CCR5AS: variants seen among roughly 807,000 people sequenced by gnomAD.
CCR5AS encodes the protein CCR5 antisense RNA.
chr3:46,364,823 A>G (rs1701584739), exon 4 of CCR5AS: 1 of 152,250 alleles, frequency 6.6e-6, no homozygotes, highest in East Asian at 1.9e-4. Context: ...AAAGACATTG[A>G]TTCCAACCCC....
intron 2 of CCR5AS, chr3:46,372,654 G>GA (rs1701678960): frequency 2.8e-6 from 1 of 362,030 alleles, no homozygotes; most frequent in African/African-American, 2.1e-5. Flanking sequence ...TGGTGAGATG[G>GA]TGCTTTCATG....
intron 2 of CCR5AS, among the ~76,000 whole-genome samples, chr3:46,379,384 A>G (rs184344303): frequency 6.6e-6 from 1 of 152,178 alleles, no homozygotes; most frequent in African/African-American, 2.4e-5. Context: ...CAAATGTCCA[A>G]CAATGATAGA....
intron 1 of CCR5AS, among the ~76,000 whole-genome samples, chr3:46,405,140 A>G (rs930445730): frequency 3.3e-5 from 5 of 152,114 alleles, no homozygotes; most frequent in Admixed American, 1.3e-4. Context: ...CTTCCTTCCT[A>G]TGTAGAAGTT....
intron 1 of CCR5AS, among the ~76,000 whole-genome samples, chr3:46,404,495 T>A (rs1702030349): frequency 6.6e-6 from 1 of 151,800 alleles, no homozygotes; most frequent in South Asian, 2.1e-4. Context: ...TCGCCACCCC[T>A]CCTGGCTAAT....
intron 1 of CCR5AS, among the ~76,000 whole-genome samples, chr3:46,402,319 T>C (rs757543340): frequency 2.6e-5 from 4 of 152,180 alleles, no homozygotes; most frequent in East Asian, 1.9e-4. Flanking sequence ...CAGCCAATTA[T>C]GGGAAAGAAA....
intron 3 of CCR5AS, among the ~76,000 whole-genome samples, chr3:46,366,376 G>A (rs1397258608): frequency 6.6e-6 from 1 of 152,202 alleles, no homozygotes; most frequent in Non-Finnish European, 1.5e-5. Context: ...ATCACAGTGA[G>A]TCTATTGTAT....
At position 46,365,712 on chromosome 3, in the gene CCR5AS, T is replaced by C. The variant is rs575406769; in HGVS notation, n.566-667A>G. Among the ~76,000 whole-genome samples the C allele has an allele frequency of 2.9e-4, 44 of 152,264 alleles. 2 individuals are homozygous for C. The highest frequency in any genetic ancestry group is 1.4e-3 in the Admixed American group (22 of 15,300). ...GGTGGGGGCTCCAAATGGATCTAGA[T>C]ATGTGAGATCTCTCTTTGATTTGAC... On this transcript the variant is annotated intron_variant and non_coding_transcript_variant, in intron 3 of 3. Coordinates refer to ENST00000451485, the Ensembl canonical transcript of CCR5AS.
intron 3 of CCR5AS, among the ~76,000 whole-genome samples, chr3:46,366,318 T>C (rs1004744540): frequency 9.2e-5 from 14 of 152,356 alleles, no homozygotes; most frequent in East Asian, 5.8e-4. Flanking sequence ...TCTCGTGTTA[T>C]GTGCAGAGCT....
At chr3:46,388,312 G>A (rs1428212287) in intron 2 of CCR5AS, among the ~76,000 whole-genome samples, 1 of 152,132 alleles carries the variant, frequency 6.6e-6, no homozygotes, top group Non-Finnish European at 1.5e-5. Context: ...AGATTTTGTG[G>A]TAAGGGGTGA....
intron 2 of CCR5AS, among the ~76,000 whole-genome samples, chr3:46,372,126 T>C (rs1474776657): frequency 6.6e-6 from 1 of 152,220 alleles, no homozygotes; most frequent in African/African-American, 2.4e-5. Flanking sequence ...GGTATGATGC[T>C]TAGAACAGTG....
At chr3:46,399,651 G>T (rs1701990030) in intron 1 of CCR5AS, among the ~76,000 whole-genome samples, 1 of 152,200 alleles carries the variant, frequency 6.6e-6, no homozygotes, top group African/African-American at 2.4e-5. Context: ...AGTGCAGGGG[G>T]AGAGATTAGC....
intron 2 of CCR5AS, among the ~76,000 whole-genome samples, chr3:46,379,778 T>G (rs1295393952): frequency 6.6e-6 from 1 of 152,014 alleles, no homozygotes; most frequent in Non-Finnish European, 1.5e-5. Context: ...GTGCTTGTAA[T>G]CCCAGCTACT....
intron 1 of CCR5AS, among the ~76,000 whole-genome samples, chr3:46,402,462 C>T (rs1016948747): frequency 6.6e-6 from 1 of 152,204 alleles, no homozygotes; most frequent in African/African-American, 2.4e-5. Flanking sequence ...AGTTTTTCTA[C>T]ATTTCCCATT....
intron 2 of CCR5AS, among the ~76,000 whole-genome samples, chr3:46,385,683 A>G (rs1701854150): frequency 6.6e-6 from 1 of 151,018 alleles, no homozygotes; most frequent in Non-Finnish European, 1.5e-5. Context: ...ACTGGGCGCA[A>G]CTCTCTCTCT....
intron 2 of CCR5AS, among the ~76,000 whole-genome samples, chr3:46,390,203 C>T (rs1281212741): frequency 6.6e-6 from 1 of 151,746 alleles, no homozygotes; most frequent in African/African-American, 2.4e-5. Flanking sequence ...CCAAGTAAGG[C>T]AAAAAGAGGC....
chr3:46,392,561 T>C (rs1236123179), intron 2 of CCR5AS, among the ~76,000 whole-genome samples: 2 of 152,064 alleles, frequency 1.3e-5, no homozygotes, highest in African/African-American at 4.8e-5. Context: ...GGAATGTGGG[T>C]GAATGACCAA....
At chr3:46,367,039 T>C (rs1021363157) in intron 3 of CCR5AS, among the ~76,000 whole-genome samples, 2 of 152,124 alleles carry the variant, frequency 1.3e-5, no homozygotes, top group Non-Finnish European at 2.9e-5. Context: ...TTAAATATAG[T>C]TAAGGCTATT....
At chr3:46,397,353 G>A (rs1214660296) in intron 1 of CCR5AS, among the ~76,000 whole-genome samples, 1 of 152,254 alleles carries the variant, frequency 6.6e-6, no homozygotes, top group Non-Finnish European at 1.5e-5. Flanking sequence ...AAGTTCCTGG[G>A]ACTTGGGAGA....
intron 2 of CCR5AS, chr3:46,373,378 C>A (rs746300015): frequency 1.2e-6 from 2 of 1,612,220 alleles, no homozygotes; most frequent in Admixed American, 3.3e-5. Context: ...GCTGTGTTTG[C>A]GTCTCTCCCA....
Sources: gnomAD v4.1 joint callset for allele counts (sites outside exome capture counted in the v4.1 genomes callset) on GRCh38, gnomAD v4.1.1 for gene constraint, MANE v1.5 for transcripts, NCBI Gene and HGNC (gene_info 2026-07-23, HGNC 2026-07-21) for gene names.